The following MAGI1 variants were observed in gnomAD, a reference collection of about 807,000 sequenced individuals.
MAGI1 encodes membrane-associated guanylate kinase, WW and PDZ domain-containing protein 1.
In MAGI1, 58 loss-of-function variants were observed where a neutral mutation model predicts 139.9. The observed-to-expected ratio is 0.41, with a 90% CI of 0.34 to 0.52. MAGI1 has a LOEUF of 0.52. MAGI1 is among the 20% of genes least tolerant of loss of function. MAGI1 has a pLI of 0.12. For missense variants in MAGI1, 1,874 were observed against 1,901.6 expected (o/e 0.99, Z 0.27); for synonymous variants, 812 against 737.9 (o/e 1.10, Z -1.63).
chr3:65,917,073 C>G (rs181369113), intron 1 of MAGI1, among the ~76,000 whole-genome samples: 75 of 152,196 alleles, frequency 4.9e-4, no homozygotes, highest in African/African-American at 1.8e-3. Flanking sequence ...TTAAGCTTAT[C>G]CTTAGACATT....
intron 1 of MAGI1, among the ~76,000 whole-genome samples, chr3:65,636,567 G>A (rs558764839): frequency 1.1e-4 from 16 of 152,174 alleles, no homozygotes; most frequent in African/African-American, 3.9e-4. Context: ...TGCCATCCTG[G>A]TTTCCCCTCT....
Position 65,356,398 on chromosome 3 carries a change from T to C in MAGI1, c.4369A>G (p.Ser1457Gly), listed in dbSNP as rs764373595. 6.2e-7 allele frequency: 1 copy of C among 1,600,242 alleles called. No individual in the cohort carries two copies. Among genetic ancestry groups the C allele is most frequent in the Admixed American group, 1.7e-5 (1 of 58,678 alleles). The change falls in exon 23 of 23, where the codon AGC becomes GGC. Residue 1457 changes from serine (S) to glycine (G), a missense_variant. Physicochemically the swap from Ser to Gly is moderately conservative, Grantham distance 56. Transcript: ENST00000402939. The part of the protein sequence containing the change: ...EQRRRPYKEC[S>G]TDLSI ...GCGTCTCAGATACTGAGGTCGGTGCTACATTCTTTGTAAGGTCGCCTTCTC... is the reference window on the plus strand; with the variant it reads ...GCGTCTCAGATACTGAGGTCGGTGCCACATTCTTTGTAAGGTCGCCTTCTC...
chr3:65,619,948 C>A (rs2083577793), intron 2 of MAGI1: 2 of 985,238 alleles, frequency 2.0e-6, no homozygotes, highest in Non-Finnish European at 1.2e-6. Context: ...GGCTTTATAC[C>A]AGCAAAAACA....
At chr3:65,718,940 T>C (rs2032625099) in intron 1 of MAGI1, among the ~76,000 whole-genome samples, 1 of 148,604 alleles carries the variant, frequency 6.7e-6, no homozygotes, top group African/African-American at 2.5e-5. Context: ...AATTCCCTTT[T>C]CCTGCCCTCT....
chr3:65,783,268 ACATGCTCAG>A (rs1267317018), intron 1 of MAGI1, among the ~76,000 whole-genome samples: 1 of 152,236 alleles, frequency 6.6e-6, no homozygotes, highest in Non-Finnish European at 1.5e-5. Flanking sequence ...GCTCAGAAGC[ACATGCTCAG>A]CATCATTACA....
chr3:65,361,942 T>C (rs1043966607), intron 21 of MAGI1, among the ~76,000 whole-genome samples: 7 of 152,204 alleles, frequency 4.6e-5, no homozygotes, highest in Non-Finnish European at 8.8e-5. Context: ...GATGAGACCA[T>C]AATCCTGACT....
chr3:65,507,733 A>G (rs2077357796), intron 2 of MAGI1, among the ~76,000 whole-genome samples: 1 of 152,130 alleles, frequency 6.6e-6, no homozygotes, highest in South Asian at 2.1e-4. Flanking sequence ...CAATTAGTTC[A>G]TGTTTCAGTG....
intron 2 of MAGI1, among the ~76,000 whole-genome samples, chr3:65,592,327 G>T (rs2082007349): frequency 2.0e-5 from 3 of 152,178 alleles, no homozygotes; most frequent in African/African-American, 4.8e-5. Context: ...AAGTCAAGTT[G>T]TAACTGAATA....
chr3:65,734,003 A>G (rs2034452099), intron 1 of MAGI1, among the ~76,000 whole-genome samples: 1 of 152,140 alleles, frequency 6.6e-6, no homozygotes, highest in South Asian at 2.1e-4. Context: ...TTAAAATCCA[A>G]TCTACTCCTC....
intron 1 of MAGI1, among the ~76,000 whole-genome samples, chr3:65,886,491 C>G (rs2060536100): frequency 6.6e-6 from 1 of 152,100 alleles, no homozygotes; most frequent in African/African-American, 2.4e-5. Flanking sequence ...GAGCATATGG[C>G]TGCCCTCATT....
intron 21 of MAGI1, 33 bp from the exon 22 acceptor site, chr3:65,361,370 G>T (rs772523746): frequency 1.9e-6 from 3 of 1,609,602 alleles, no homozygotes; most frequent in Non-Finnish European, 2.5e-6. Flanking sequence ...AGTGAGATTT[G>T]AAATTCATGT....
rs188889301 is a variant in MAGI1, at chr3:65,390,316, C to T, written c.2416+826G>A. On this transcript the variant is annotated intron_variant, in intron 14 of 22. Transcript: ENST00000402939. ...CACAACACCTCTCTCCTACCCCATA[C>T]CAAAAAGAGAAAATGAGGTATCTGT... 6.6e-5 allele frequency among the ~76,000 whole-genome samples: 10 copies of T among 152,226 alleles called. No individual in the cohort carries two copies. In the East Asian group the frequency reaches 1.7e-3, roughly 26 times the overall value.
chr3:65,923,201 T>C (rs1381527201), intron 1 of MAGI1, among the ~76,000 whole-genome samples: 1 of 151,224 alleles, frequency 6.6e-6, no homozygotes, highest in Non-Finnish European at 1.5e-5. Context: ...TGCATGCACA[T>C]GTTAAGCTTG....
At chr3:65,594,788 T>C (rs2082109552) in intron 2 of MAGI1, among the ~76,000 whole-genome samples, 1 of 152,230 alleles carries the variant, frequency 6.6e-6, no homozygotes, top group African/African-American at 2.4e-5. Context: ...TGCAGTATTC[T>C]GATGGGGGGG....
chr3:65,717,094 G>A (rs2032358297), intron 1 of MAGI1, among the ~76,000 whole-genome samples: 1 of 152,158 alleles, frequency 6.6e-6, no homozygotes, highest in South Asian at 2.1e-4. Context: ...CAAATCACAT[G>A]AATCTTTTAA....
At chr3:65,841,115 A>G (rs181574027) in intron 1 of MAGI1, among the ~76,000 whole-genome samples, 10 of 152,278 alleles carry the variant, frequency 6.6e-5, no homozygotes, top group African/African-American at 1.9e-4. Flanking sequence ...CTGCATGGTG[A>G]CATCAACAGT....
At chr3:65,755,571 T>C (rs2036502395) in intron 1 of MAGI1, among the ~76,000 whole-genome samples, 1 of 152,112 alleles carries the variant, frequency 6.6e-6, no homozygotes, top group Admixed American at 6.6e-5. Context: ...CATCAAGTGG[T>C]AGGAATTTAC....
intron 4 of MAGI1, among the ~76,000 whole-genome samples, chr3:65,476,605 A>C (rs558843728): frequency 2.0e-5 from 3 of 152,152 alleles, no homozygotes; most frequent in Non-Finnish European, 4.4e-5. Flanking sequence ...CTATTTAATA[A>C]ATAGAGGACA....
chr3:65,876,536 C>A (rs1475179747), intron 1 of MAGI1, among the ~76,000 whole-genome samples: 1 of 152,012 alleles, frequency 6.6e-6, no homozygotes, highest in South Asian at 2.1e-4. Context: ...TAGATAATAC[C>A]TAAAATTGAA....
Sources: allele counts gnomAD v4.1 joint callset (sites outside exome capture counted in the v4.1 genomes callset), GRCh38; gene constraint gnomAD v4.1.1; transcripts MANE v1.5; gene names NCBI Gene and HGNC (gene_info 2026-07-23, HGNC 2026-07-21).